The following TRPC5 variants were observed in gnomAD, a reference collection of about 807,000 sequenced individuals.
TRPC5 encodes short transient receptor potential channel 5.
In TRPC5, 9 loss-of-function variants were observed where a neutral mutation model predicts 56.5. That is an observed-to-expected ratio of 0.16 (90% CI 0.10 to 0.28). The LOEUF (loss-of-function observed/expected upper bound fraction) is 0.28. Among genes scored for constraint, TRPC5 ranks in the 10% least tolerant of loss-of-function variants. The pLI is 1.00. For missense variants in TRPC5, 469 were observed against 748.9 expected (o/e 0.63, Z 4.36); for synonymous variants, 282 against 278.5 (o/e 1.01, Z -0.13).
chrX:111,952,911 C>A (rs761718650), intron 1 of TRPC5, among the ~76,000 whole-genome samples: 11 of 111,683 alleles, frequency 9.8e-5, no homozygotes, highest in Non-Finnish European at 1.7e-4. Flanking sequence ...TTCCTACCTT[C>A]CTTCTCTTCT....
intron 6 of TRPC5, among the ~76,000 whole-genome samples, chrX:111,836,226 C>T (rs756007435): frequency 2.0e-4 from 22 of 111,960 alleles, no homozygotes; most frequent in African/African-American, 6.8e-4. Context: ...GCTTTATATT[C>T]AGAAATCTGA....
intron 1 of TRPC5, among the ~76,000 whole-genome samples, chrX:112,061,513 A>G (rs1930458784): frequency 8.9e-6 from 1 of 111,968 alleles, no homozygotes; most frequent in African/African-American, 3.3e-5. Context: ...ACAGAGTTGA[A>G]GCAAAAGAAG....
At chrX:111,830,984 C>G (rs918658198) in intron 7 of TRPC5, among the ~76,000 whole-genome samples, 2 of 112,418 alleles carry the variant, frequency 1.8e-5, no homozygotes, top group African/African-American at 6.5e-5. Flanking sequence ...AGTGTGGTAT[C>G]TCTTCATATT....
chrX:111,800,244 T>C (rs2049255933), intron 7 of TRPC5, among the ~76,000 whole-genome samples: 1 of 111,725 alleles, frequency 9.0e-6, no homozygotes, highest in Non-Finnish European at 1.9e-5. Context: ...ATAATAAGGA[T>C]GAAGACCTTC....
chrX:111,864,277 C>G (rs1311222218), intron 3 of TRPC5, among the ~76,000 whole-genome samples: 1 of 112,335 alleles, frequency 8.9e-6, no homozygotes, highest in African/African-American at 3.2e-5. Context: ...CGTGAGCCAC[C>G]ACACCTGGCC....
At chrX:111,930,716 C>T (rs1926387201) in intron 2 of TRPC5, 1 of 111,926 alleles carries the variant, frequency 8.9e-6, no homozygotes, top group Admixed American at 9.5e-5. Context: ...GCAGTGGTAG[C>T]TGCAATTTGG....
intron 2 of TRPC5, among the ~76,000 whole-genome samples, chrX:111,948,853 G>A (rs974726668): frequency 1.8e-5 from 2 of 111,472 alleles, no homozygotes; most frequent in Admixed American, 1.9e-4. Flanking sequence ...ACACCCTGAG[G>A]GACTCTCTGT....
chrX:111,781,346 A>T (rs1250540411), intron 8 of TRPC5, 140 bp from the exon 9 acceptor site: 1 of 508,144 alleles, frequency 2.0e-6, no homozygotes, highest in African/African-American at 2.4e-5. Context: ...CCCCAAAGCA[A>T]ATGTATGTTG....
At chrX:111,828,651 G>T (rs1569526010) in intron 7 of TRPC5, among the ~76,000 whole-genome samples, 1 of 111,792 alleles carries the variant, frequency 8.9e-6, no homozygotes, top group East Asian at 2.8e-4. Context: ...AATGGGCAGA[G>T]GTTGGAACAG....
chrX:111,777,104 C>A (rs1945885147), intron 10 of TRPC5, 102 bp from the exon 11 acceptor site: 2 of 606,914 alleles, frequency 3.3e-6, no homozygotes, highest in East Asian at 3.5e-5. Context: ...TGCCTAGTAG[C>A]AAATCACAAA....
At chrX:111,967,761 G>A in intron 1 of TRPC5, among the ~76,000 whole-genome samples, 1 of 111,582 alleles carries the variant, frequency 9.0e-6, no homozygotes, top group South Asian at 3.8e-4. Flanking sequence ...GGGAAAACTG[G>A]CTAGCCATAT....
At chrX:111,984,866 T>C (rs1194432825) in intron 1 of TRPC5, among the ~76,000 whole-genome samples, 1 of 112,473 alleles carries the variant, frequency 8.9e-6, no homozygotes, top group African/African-American at 3.2e-5. Flanking sequence ...GAAAAAGACA[T>C]ATGCCAGACT....
At chrX:111,789,955 TTGG>T (rs1282900052) in intron 7 of TRPC5, among the ~76,000 whole-genome samples, 1 of 112,029 alleles carries the variant, frequency 8.9e-6, no homozygotes, top group East Asian at 2.8e-4. Context: ...TTTTACACTG[TTGG>T]TGGGAGTGTA....
At chrX:112,069,239 T>C (rs1177175344) in intron 1 of TRPC5, among the ~76,000 whole-genome samples, 1 of 111,896 alleles carries the variant, frequency 8.9e-6, no homozygotes, top group African/African-American at 3.3e-5. Context: ...GTCACACTCC[T>C]AGTAAGTAGC....
At chrX:111,923,753 G>T (rs1336990262) in intron 2 of TRPC5, among the ~76,000 whole-genome samples, 1 of 111,784 alleles carries the variant, frequency 8.9e-6, no homozygotes, top group Non-Finnish European at 1.9e-5. Context: ...TTGTGAAAAT[G>T]ATGTGATGAA....
At chrX:111,919,163 A>T (rs1926057145) in intron 2 of TRPC5, among the ~76,000 whole-genome samples, 1 of 111,308 alleles carries the variant, frequency 9.0e-6, no homozygotes, top group Admixed American at 9.5e-5. Flanking sequence ...GAACTTTTCT[A>T]TCTTATAAGA....
At chrX:112,023,235 TTTTTTTTTTTG>T (rs1442608187) in intron 1 of TRPC5, among the ~76,000 whole-genome samples, 8 of 93,615 alleles carry the variant, frequency 8.5e-5, no homozygotes, top group African/African-American at 3.4e-4. Context: ...CGCCCAGCAG[TTTTTTTTTTTG>T]TTTTTTTTTT....
chrX:111,785,961 G>A (rs896089669), intron 7 of TRPC5, among the ~76,000 whole-genome samples: 6 of 111,888 alleles, frequency 5.4e-5, no homozygotes, highest in Admixed American at 4.8e-4. Context: ...AAAGTGATGG[G>A]GAGAATGGAA....
At chrX:111,973,920 A>G (rs1040939660) in intron 1 of TRPC5, among the ~76,000 whole-genome samples, 10 of 111,609 alleles carry the variant, frequency 9.0e-5, no homozygotes, top group Non-Finnish European at 1.3e-4. Context: ...GTATATATAC[A>G]ATATAAGTTG....
Sources: gnomAD v4.1 joint callset for allele counts (sites outside exome capture counted in the v4.1 genomes callset) on GRCh38, gnomAD v4.1.1 for gene constraint, MANE v1.5 for transcripts, NCBI Gene and HGNC (gene_info 2026-07-23, HGNC 2026-07-21) for gene names.